Variants in UBE2E3 observed in about 807,000 individuals in gnomAD.
UBE2E3 encodes the protein ubiquitin-conjugating enzyme E2 E3.
UBE2E3 carries 5 observed loss-of-function variants against 23.6 expected under a neutral mutation model. The ratio of observed to expected loss-of-function variants is 0.21; its 90% CI spans 0.11 to 0.44. The LOEUF (loss-of-function observed/expected upper bound fraction) is 0.44. Among genes scored for constraint, UBE2E3 ranks in the 20% least tolerant of loss-of-function variants. The pLI, the probability that UBE2E3 is intolerant of heterozygous loss-of-function variation, is 0.99. For synonymous variants in UBE2E3, 78 were observed against 87.5 expected (o/e 0.89, Z 0.60); for missense variants, 81 against 249.8 (o/e 0.32, Z 4.55).
chr2:181,000,712 A>T (rs1198813981), intron 3 of UBE2E3, among the ~76,000 whole-genome samples: 1 of 151,836 alleles, frequency 6.6e-6, no homozygotes, highest in East Asian at 1.9e-4. Context: ...CCACCACCAC[A>T]CCTGACTAAT....
At chr2:181,022,685 G>T (rs1261669191) in intron 3 of UBE2E3, among the ~76,000 whole-genome samples, 2 of 149,396 alleles carry the variant, frequency 1.3e-5, no homozygotes, top group Admixed American at 6.7e-5. Flanking sequence ...CTAACAAAAA[G>T]CACAAAAATG....
chr2:181,028,051 A>G (rs1017766355), intron 3 of UBE2E3, among the ~76,000 whole-genome samples: 5 of 151,994 alleles, frequency 3.3e-5, no homozygotes, highest in African/African-American at 1.2e-4. Context: ...TTATTCTAAG[A>G]TGTTTTCATT....
At chr2:181,004,506 A>G (rs907383420) in intron 3 of UBE2E3, among the ~76,000 whole-genome samples, 1 of 151,976 alleles carries the variant, frequency 6.6e-6, no homozygotes, top group Non-Finnish European at 1.5e-5. Flanking sequence ...GGTGGTATGC[A>G]CCTGTAGTCT....
chr2:181,060,599 T>A, intron 4 of UBE2E3, 66 bp from the exon 5 acceptor site: 3 of 1,397,912 alleles, frequency 2.1e-6, no homozygotes, highest in Non-Finnish European at 2.9e-6. Flanking sequence ...CCTTCATTTT[T>A]TTTTAGTGTT....
At chr2:181,034,949 TTTTAA>T (rs1276755685) in intron 3 of UBE2E3, among the ~76,000 whole-genome samples, 8 of 152,158 alleles carry the variant, frequency 5.3e-5, no homozygotes, top group Non-Finnish European at 1.0e-4. Context: ...AGTTTGATAC[TTTTAA>T]TTTAGGAACT....
chr2:181,007,957 T>G (rs191442952), intron 3 of UBE2E3, among the ~76,000 whole-genome samples: 106 of 152,312 alleles, frequency 7.0e-4, no homozygotes, highest in Admixed American at 1.8e-3. Context: ...AGGAAAAGTT[T>G]GTTAATCCTT....
chr2:181,003,980 A>C lies in UBE2E3; in HGVS notation c.245+19887A>C, dbSNP rs527310045. Among the ~76,000 whole-genome samples, 30 of 152,340 alleles carry C rather than the reference A, an allele frequency of 2.0e-4. 1 individual carries two copies. The South Asian group carries it at 6.2e-3, about 32-fold the overall frequency. Reference sequence around the variant, plus strand: ...AGACAGACTAATAAATGATGGAAGCAAGATTCAGTTTTAGGTCTGTCTGAC... The same window carrying C: ...AGACAGACTAATAAATGATGGAAGCCAGATTCAGTTTTAGGTCTGTCTGAC... On this transcript the variant is annotated intron_variant, in intron 3 of 5. Transcript: ENST00000410062.
At chr2:180,998,856 C>T (rs1036391993) in intron 3 of UBE2E3, among the ~76,000 whole-genome samples, 2 of 152,124 alleles carry the variant, frequency 1.3e-5, no homozygotes, top group Admixed American at 1.3e-4. Context: ...AGATAATCAA[C>T]AGATGATTCA....
intron 3 of UBE2E3, among the ~76,000 whole-genome samples, chr2:180,997,111 CTT>C (rs202154522): frequency 1.4e-5 from 2 of 147,414 alleles, no homozygotes; most frequent in Admixed American, 6.8e-5. Context: ...TCAAACTACA[CTT>C]TTTTTTTTTA....
chr2:181,059,624 T>A (rs873256), intron 4 of UBE2E3, among the ~76,000 whole-genome samples: 58,508 of 151,422 alleles, frequency 0.39, 12,019 homozygotes, highest in East Asian at 0.57. Flanking sequence ...ACTAACTCTT[T>A]GAAATCTGGT....
chr2:181,034,283 T>C (rs1474435394), intron 3 of UBE2E3, among the ~76,000 whole-genome samples: 1 of 152,162 alleles, frequency 6.6e-6, no homozygotes, highest in African/African-American at 2.4e-5. Flanking sequence ...AACCCAAATG[T>C]CCATCAATGA....
intron 3 of UBE2E3, among the ~76,000 whole-genome samples, chr2:181,012,167 G>A (rs1039551339): frequency 2.6e-5 from 4 of 152,152 alleles, no homozygotes; most frequent in Non-Finnish European, 5.9e-5. Flanking sequence ...TTTTTTAATA[G>A]TATTCATGTT....
Position 181,034,226 on chromosome 2 carries a change from A to G in UBE2E3, c.246-23467A>G, listed in dbSNP as rs111912130. Among the ~76,000 whole-genome samples, 452 of 152,330 alleles carry G rather than the reference A, an allele frequency of 3.0e-3. 3 individuals carry two copies. Among genetic ancestry groups the G allele is most frequent in the African/African-American group, 0.01 (433 of 41,568 alleles). On this transcript the variant is annotated intron_variant, in intron 3 of 5. Transcript: ENST00000410062. ...CATGCTGCTATAAAGACACATACAC[A>G]TGTATGTTTATTGTGGCAGTATTCA...
At chr2:181,052,159 C>T (rs934909833) in intron 3 of UBE2E3, among the ~76,000 whole-genome samples, 1 of 151,826 alleles carries the variant, frequency 6.6e-6, no homozygotes, top group Non-Finnish European at 1.5e-5. Flanking sequence ...GACACACCCA[C>T]ATCCTATAAG....
At chr2:181,041,945 T>A (rs1280642241) in intron 3 of UBE2E3, among the ~76,000 whole-genome samples, 1 of 152,166 alleles carries the variant, frequency 6.6e-6, no homozygotes, top group Non-Finnish European at 1.5e-5. Flanking sequence ...CTATAAACAT[T>A]ATTGTGATAT....
intron 3 of UBE2E3, among the ~76,000 whole-genome samples, chr2:181,019,514 T>C (rs1685606989): frequency 6.6e-6 from 1 of 152,230 alleles, no homozygotes. Context: ...TATTTTATTT[T>C]GGTTTTGCAT....
chr2:180,998,045 A>C (rs755930690), intron 3 of UBE2E3, among the ~76,000 whole-genome samples: 1 of 152,180 alleles, frequency 6.6e-6, no homozygotes, highest in South Asian at 2.1e-4. Context: ...AGCACTAACT[A>C]TGAGAATAAT....
intron 3 of UBE2E3, among the ~76,000 whole-genome samples, chr2:181,045,907 T>G (rs536265300): frequency 1.3e-5 from 2 of 152,290 alleles, no homozygotes; most frequent in South Asian, 2.1e-4. Context: ...ATCAATTTGT[T>G]AAGTACTATT....
chr2:180,982,613 T>G (rs1684336632), intron 2 of UBE2E3, among the ~76,000 whole-genome samples: 1 of 152,170 alleles, frequency 6.6e-6, no homozygotes. Flanking sequence ...TTCCAGAGAT[T>G]AGCAGTGCCT....
Sources: allele counts gnomAD v4.1 joint callset (sites outside exome capture counted in the v4.1 genomes callset), GRCh38; gene constraint gnomAD v4.1.1; transcripts MANE v1.5; gene names NCBI Gene and HGNC (gene_info 2026-07-23, HGNC 2026-07-21).